Variants in PVT1 observed in about 807,000 individuals in gnomAD.
PVT1 encodes CXCR4/PVT1 fusion.
chr8:128,034,013 G>T (rs1026073047), intron 4 of PVT1, among the ~76,000 whole-genome samples: 1 of 151,490 alleles, frequency 6.6e-6, no homozygotes, highest in African/African-American at 2.4e-5. Flanking sequence ...CACCTCCCCA[G>T]CCCTGCCGAG....
intron 5 of PVT1, among the ~76,000 whole-genome samples, chr8:128,094,339 C>T (rs1168547629): frequency 5.9e-5 from 9 of 151,964 alleles, no homozygotes; most frequent in Non-Finnish European, 1.3e-4. Flanking sequence ...ATAAAAAAAT[C>T]ACAAGAAATG....
chr8:127,994,104 G>A (rs1817076342), intron 4 of PVT1, among the ~76,000 whole-genome samples: 1 of 152,118 alleles, frequency 6.6e-6, no homozygotes, highest in Non-Finnish European at 1.5e-5. Context: ...CACATTCTCT[G>A]TACTCTCTTG....
At chr8:127,908,609 G>T (rs1815852758) in intron 3 of PVT1, among the ~76,000 whole-genome samples, 1 of 152,030 alleles carries the variant, frequency 6.6e-6, no homozygotes, top group Admixed American at 6.5e-5. Flanking sequence ...CAAAGTGTTG[G>T]GATTACAGGC....
chr8:128,002,599 C>T (rs118096695), intron 4 of PVT1, among the ~76,000 whole-genome samples: 2,734 of 152,258 alleles, frequency 0.018, 41 homozygotes, highest in Middle Eastern at 0.034. Context: ...CCATCCTTGG[C>T]GCTCTTTGGC....
chr8:127,998,545 C>G (rs1420707458), intron 4 of PVT1, among the ~76,000 whole-genome samples: 1 of 150,040 alleles, frequency 6.7e-6, no homozygotes, highest in Non-Finnish European at 1.5e-5. Context: ...TTCTCTCTCT[C>G]TCTCTCTCTC....
At chr8:128,052,235 C>G (rs1256714012) in intron 4 of PVT1, among the ~76,000 whole-genome samples, 2 of 152,272 alleles carry the variant, frequency 1.3e-5, no homozygotes, top group African/African-American at 4.8e-5. Context: ...CACTGAGATA[C>G]AGTGGGATGG....
chr8:127,970,285 A>C (rs1457694331), intron 3 of PVT1, among the ~76,000 whole-genome samples: 1 of 26,816 alleles, frequency 3.7e-5, no homozygotes, highest in Non-Finnish European at 7.7e-5. Context: ...ATCTGCCATG[A>C]TTTGTTTTTT....
chr8:127,799,992 A>G (rs1281319425), intron 2 of PVT1, among the ~76,000 whole-genome samples: 2 of 152,198 alleles, frequency 1.3e-5, no homozygotes, highest in Non-Finnish European at 2.9e-5. Context: ...CAGGAATCAA[A>G]GGGCTGTCCC....
At chr8:127,944,729 C>G (rs1485985629) in intron 3 of PVT1, among the ~76,000 whole-genome samples, 1 of 152,132 alleles carries the variant, frequency 6.6e-6, no homozygotes, top group East Asian at 1.9e-4. Context: ...GGCAGGATGC[C>G]TCACTGGTAA....
exon 3 of PVT1, chr8:127,890,824 T>TATC (rs547568675): frequency 6.6e-6 from 1 of 152,296 alleles, no homozygotes; most frequent in Non-Finnish European, 1.5e-5. Context: ...CATGGATTCT[T>TATC]ACAGCTTGGA....
At chr8:127,997,896 G>A (rs1205556269) in intron 4 of PVT1, among the ~76,000 whole-genome samples, 1 of 152,164 alleles carries the variant, frequency 6.6e-6, no homozygotes, top group Admixed American at 6.5e-5. Context: ...AGACTCTCCT[G>A]GTTTGTGATG....
chr8:127,999,327 TAAATA>T (rs1212078596), intron 4 of PVT1: 1 of 152,194 alleles, frequency 6.6e-6, no homozygotes, highest in African/African-American at 2.4e-5. Flanking sequence ...AATACATAAA[TAAATA>T]AATGTGTGTA....
At chr8:127,958,600 T>C (rs1414955259) in intron 3 of PVT1, among the ~76,000 whole-genome samples, 1 of 152,178 alleles carries the variant, frequency 6.6e-6, no homozygotes, top group Non-Finnish European at 1.5e-5. Context: ...AAAGGTCTGC[T>C]TTCCAGGGGA....
chr8:128,000,066 T>G (rs190347910), intron 4 of PVT1, among the ~76,000 whole-genome samples: 31 of 152,366 alleles, frequency 2.0e-4, no homozygotes, highest in African/African-American at 6.3e-4. Context: ...TGGACTGTCC[T>G]GTTCTGCTCC....
At chr8:128,040,016 C>T (rs1813511989) in intron 4 of PVT1, among the ~76,000 whole-genome samples, 1 of 152,088 alleles carries the variant, frequency 6.6e-6, no homozygotes, top group Non-Finnish European at 1.5e-5. Context: ...GCAGGAGTGC[C>T]TATTTGTTTT....
At chr8:128,091,494 TG>T (rs1179516386) in intron 5 of PVT1, among the ~76,000 whole-genome samples, 1 of 152,154 alleles carries the variant, frequency 6.6e-6, no homozygotes, top group Non-Finnish European at 1.5e-5. Context: ...CATTCTCATC[TG>T]GGGAGATAAT....
At chr8:128,086,138 A>G (rs1184215241) in intron 5 of PVT1, among the ~76,000 whole-genome samples, 1 of 152,238 alleles carries the variant, frequency 6.6e-6, no homozygotes, top group Non-Finnish European at 1.5e-5. Context: ...GCAGTAACTC[A>G]TCCCTAGTAA....
In PVT1 at chr8:127,971,684, C is replaced by T. The variant is rs60535273; in HGVS notation, n.783-17478C>T. Reference sequence around the variant, plus strand: ...ACCTTGGACAAGGTAGACTACCTCTCTGGGCCTCGCTTTTCTCATCCGTAA... The same window carrying T: ...ACCTTGGACAAGGTAGACTACCTCTTTGGGCCTCGCTTTTCTCATCCGTAA... On this transcript the variant is annotated intron_variant and non_coding_transcript_variant, in intron 3 of 10. Coordinates refer to ENST00000651587, the Ensembl canonical transcript of PVT1. Among the ~76,000 whole-genome samples, 1,224 of 152,324 alleles carry T rather than the reference C, an allele frequency of 8.0e-3. 22 individuals carry two copies. The highest frequency in any genetic ancestry group is 0.028 in the African/African-American group (1,183 of 41,562).
At chr8:127,881,169 A>G (rs948238461) in intron 2 of PVT1, among the ~76,000 whole-genome samples, 1 of 152,070 alleles carries the variant, frequency 6.6e-6, no homozygotes, top group South Asian at 2.1e-4. Flanking sequence ...CCTTAATAAC[A>G]TTAGGGAACT....
Sources: allele counts gnomAD v4.1 joint callset (sites outside exome capture counted in the v4.1 genomes callset), GRCh38; gene constraint gnomAD v4.1.1; transcripts MANE v1.5; gene names NCBI Gene and HGNC (gene_info 2026-07-23, HGNC 2026-07-21).